The following TENM2 variants were observed in gnomAD, a reference collection of about 807,000 sequenced individuals.
TENM2 encodes the protein teneurin-2.
Under a neutral mutation model 245.2 loss-of-function variants are expected in TENM2, and 52 were observed. The ratio of observed to expected loss-of-function variants is 0.21; its 90% confidence interval spans 0.17 to 0.27. TENM2 has a LOEUF of 0.27. Ranked by LOEUF, TENM2 falls within the 10% of genes least tolerant of loss-of-function variation. TENM2 has a pLI of 1.00. For synonymous variants in TENM2, 1,363 were observed against 1,438.9 expected (o/e 0.95, Z 1.19); for missense variants, 3,046 against 3,666.8 (o/e 0.83, Z 4.37).
chr5:168,185,192 AC>A (rs900780883), intron 13 of TENM2: 10 of 152,128 alleles, frequency 6.6e-5, no homozygotes, highest in African/African-American at 2.4e-4. Context: ...AGGAAGCGTC[AC>A]CCCTCCTAAT....
intron 2 of TENM2, among the ~76,000 whole-genome samples, chr5:167,823,026 C>T (rs1397849570): frequency 2.0e-5 from 3 of 152,052 alleles, no homozygotes; most frequent in African/African-American, 4.8e-5. Context: ...TAAATGTATC[C>T]GTTTGATAAA....
chr5:168,056,826 CA>C (rs2152074986), intron 6 of TENM2, among the ~76,000 whole-genome samples: 1 of 152,184 alleles, frequency 6.6e-6, no homozygotes, highest in Non-Finnish European at 1.5e-5. Context: ...TGTTTAGATA[CA>C]CAAGTACCAC....
At chr5:167,651,112 T>C (rs1406388138) in intron 2 of TENM2, among the ~76,000 whole-genome samples, 119 of 151,700 alleles carry the variant, frequency 7.8e-4, no homozygotes, top group Non-Finnish European at 4.4e-5. Context: ...AGAAAAACAA[T>C]TAGATGAATA....
At chr5:168,215,356 G>A (rs1184130856) in intron 21 of TENM2, 84 bp downstream of exon 23, 14 of 1,056,954 alleles carry the variant, frequency 1.3e-5, no homozygotes, top group Non-Finnish European at 1.9e-5. Context: ...ACTTAACTAA[G>A]TCCAGCAGTC....
At chr5:167,083,787 C>T in the TENM2 span, among the ~76,000 whole-genome samples, 1 of 152,128 alleles carries the variant, frequency 6.6e-6, no homozygotes, top group Admixed American at 6.5e-5. Context: ...TTATGGATTG[C>T]CAGCTGTGGG....
the TENM2 span, among the ~76,000 whole-genome samples, chr5:167,189,557 C>G: frequency 4.8e-5 from 7 of 145,412 alleles, no homozygotes; most frequent in African/African-American, 1.8e-4. Flanking sequence ...TTCTTTCTTT[C>G]TCTTTCTTTT....
chr5:168,139,607 C>A (rs955076747), intron 12 of TENM2: 1 of 455,440 alleles, frequency 2.2e-6, no homozygotes, highest in Non-Finnish European at 4.4e-6. Context: ...AATGAGGGCA[C>A]TATGAATTAA....
At chr5:167,163,259 G>T in the TENM2 span, among the ~76,000 whole-genome samples, 1 of 152,050 alleles carries the variant, frequency 6.6e-6, no homozygotes, top group Non-Finnish European at 1.5e-5. Context: ...ATGCCACCAC[G>T]CCTGGCTTTT....
intron 2 of TENM2, among the ~76,000 whole-genome samples, chr5:167,446,945 A>G (rs919012147): frequency 1.3e-5 from 2 of 152,172 alleles, no homozygotes; most frequent in African/African-American, 4.8e-5. Flanking sequence ...GAATATTTGT[A>G]TAATACCAGT....
At chr5:168,086,688 A>G (rs138271310) in intron 7 of TENM2, among the ~76,000 whole-genome samples, 3 of 152,300 alleles carry the variant, frequency 2.0e-5, no homozygotes, top group African/African-American at 7.2e-5. Context: ...TAGGACCACT[A>G]CAGAGTAACC....
chr5:167,195,743 A>G, the TENM2 span, among the ~76,000 whole-genome samples: 1 of 152,010 alleles, frequency 6.6e-6, no homozygotes, highest in African/African-American at 2.4e-5. Flanking sequence ...CCAAAAAAAT[A>G]AGAAATATCA....
chr5:167,456,319 G>A (rs1765919565), intron 2 of TENM2, among the ~76,000 whole-genome samples: 1 of 152,178 alleles, frequency 6.6e-6, no homozygotes. Context: ...TCCATAGGTA[G>A]TTAATGATCT....
At chr5:167,111,046 A>G in the TENM2 span, among the ~76,000 whole-genome samples, 2 of 152,226 alleles carry the variant, frequency 1.3e-5, no homozygotes, top group African/African-American at 2.4e-5. Context: ...GGGAAGATGC[A>G]AAGAAATAAA....
intron 2 of TENM2, among the ~76,000 whole-genome samples, chr5:167,486,232 T>C (rs1768061919): frequency 6.6e-6 from 1 of 152,092 alleles, no homozygotes; most frequent in African/African-American, 2.4e-5. Flanking sequence ...GTGTTGGGGA[T>C]ATAAATAAAA....
At chr5:167,719,589 G>T (rs541790682) in intron 2 of TENM2, among the ~76,000 whole-genome samples, 39 of 152,350 alleles carry the variant, frequency 2.6e-4, no homozygotes, top group Admixed American at 4.6e-4. Context: ...TGTGGAAGAA[G>T]TTCGAGTTAG....
At chr5:167,384,263 A>C (rs891821133) in intron 2 of TENM2, among the ~76,000 whole-genome samples, 1 of 152,178 alleles carries the variant, frequency 6.6e-6, no homozygotes, top group Non-Finnish European at 1.5e-5. Context: ...TAAACATTAT[A>C]TATGTTAGCA....
intron 2 of TENM2, among the ~76,000 whole-genome samples, chr5:167,647,521 G>A (rs562356570): frequency 6.6e-6 from 1 of 152,112 alleles, no homozygotes; most frequent in South Asian, 2.1e-4. Flanking sequence ...TACTCGAGAG[G>A]CTGAGGCAGG....
chr5:167,739,255 T>A (rs1761008163), intron 2 of TENM2, among the ~76,000 whole-genome samples: 1 of 152,210 alleles, frequency 6.6e-6, no homozygotes, highest in African/African-American at 2.4e-5. Flanking sequence ...GGGCTTTTGT[T>A]CTTTATTCTA....
At chr5:167,562,803 A>G (rs1367723376) in intron 2 of TENM2, among the ~76,000 whole-genome samples, 2 of 152,060 alleles carry the variant, frequency 1.3e-5, no homozygotes. Flanking sequence ...CCAAAAATAC[A>G]AAATTTAGCC....
Sources: gnomAD v4.1 joint callset for allele counts (sites outside exome capture counted in the v4.1 genomes callset) on GRCh38, gnomAD v4.1.1 for gene constraint, MANE v1.5 for transcripts, NCBI Gene and HGNC (gene_info 2026-07-23, HGNC 2026-07-21) for gene names.